Variants in TST observed in about 807,000 individuals in gnomAD.
The protein encoded by TST is thiosulfate sulfurtransferase.
A neutral mutation model predicts 20.4 loss-of-function variants in TST; 22 were observed. The observed-to-expected ratio is 1.08, with a 90% CI of 0.77 to 1.54. The LOEUF (loss-of-function observed/expected upper bound fraction) is 1.54. Ranked by LOEUF, TST falls within the 40% of genes most tolerant of loss-of-function variation. TST has a pLI of 0.00. For missense variants in TST, 392 were observed against 405.2 expected, an observed-to-expected ratio of 0.97 and a Z score of 0.28; for synonymous variants, 187 against 173.8, an observed-to-expected ratio of 1.08 and a Z score of -0.60.
At chr22:37,011,710 A>C (rs1223284801) in intron 2 of TST, among the ~76,000 whole-genome samples, 7 of 152,218 alleles carry the variant, frequency 4.6e-5, no homozygotes, top group Non-Finnish European at 8.8e-5. Context: ...GAGAAGAGCA[A>C]ATGGGACAAC....
At chr22:37,013,530 A>G (rs1177879353) in intron 2 of TST, among the ~76,000 whole-genome samples, 2 of 151,514 alleles carry the variant, frequency 1.3e-5, no homozygotes, top group East Asian at 3.8e-4. Context: ...ACTTGAGCCC[A>G]GGAGACTGCA....
At chr22:37,019,030 G>A in intron 1 of TST, 1 of 342,752 alleles carries the variant, frequency 2.9e-6, no homozygotes, top group Non-Finnish European at 5.3e-6. Context: ...TCCTGGGGCG[G>A]GGATCTGGCT....
chr22:37,012,319 C>T (rs562185954), intron 2 of TST, among the ~76,000 whole-genome samples: 8 of 152,264 alleles, frequency 5.3e-5, no homozygotes, highest in African/African-American at 1.9e-4. Context: ...TGTCTCAGTA[C>T]CCAGTGAGGG....
At chr22:37,014,236 G>A (rs1333729001) in intron 2 of TST, among the ~76,000 whole-genome samples, 1 of 152,194 alleles carries the variant, frequency 6.6e-6, no homozygotes, top group Non-Finnish European at 1.5e-5. Flanking sequence ...CAGGTGTGGT[G>A]GTGGGCACCT....
At chr22:37,011,363 A>T in intron 2 of TST, 38 bp from the exon 3 acceptor site, 1 of 1,582,672 alleles carries the variant, frequency 6.3e-7, no homozygotes, top group Non-Finnish European at 8.6e-7. Flanking sequence ...GGGATGTATG[A>T]GGGGTGGGGA....
At chr22:37,014,022 T>G (rs2145896505) in intron 2 of TST, among the ~76,000 whole-genome samples, 1 of 152,258 alleles carries the variant, frequency 6.6e-6, no homozygotes, top group South Asian at 2.1e-4. Context: ...GGCATTTAAA[T>G]GAACTGTGGG....
chr22:37,011,650 C>A (rs1922484579), intron 2 of TST, among the ~76,000 whole-genome samples: 1 of 152,186 alleles, frequency 6.6e-6, no homozygotes, highest in African/African-American at 2.4e-5. Context: ...CCTCAGTTTT[C>A]TCATCTGTAA....
intron 2 of TST, among the ~76,000 whole-genome samples, chr22:37,016,814 T>C (rs1922697249): frequency 6.6e-6 from 1 of 152,194 alleles, no homozygotes; most frequent in Non-Finnish European, 1.5e-5. Flanking sequence ...TGGAAAAAGC[T>C]GCGCTGGAAA....
At chr22:37,019,649 C>G (rs1439808926), upstream of TST, 2 of 321,790 alleles carry the variant, frequency 6.2e-6, no homozygotes, top group Non-Finnish European at 1.1e-5. Flanking sequence ...GGGGGCCGCG[C>G]GGGCCTGGGC....
At chr22:37,014,006 G>C (rs1922578026) in intron 2 of TST, among the ~76,000 whole-genome samples, 1 of 152,184 alleles carries the variant, frequency 6.6e-6, no homozygotes, top group African/African-American at 2.4e-5. Context: ...CTCAGGGCCT[G>C]TCTGGGGCAT....
At chr22:37,012,240 G>A (rs1054592744) in intron 2 of TST, among the ~76,000 whole-genome samples, 2 of 152,174 alleles carry the variant, frequency 1.3e-5, no homozygotes, top group African/African-American at 4.8e-5. Flanking sequence ...GGCCTTTTTG[G>A]TCCCCTCCAA....
intron 2 of TST, among the ~76,000 whole-genome samples, chr22:37,012,806 G>A (rs143866791): frequency 0.014 from 2,102 of 152,328 alleles, 30 homozygotes; most frequent in Middle Eastern, 0.024. Context: ...AGCACTTTGG[G>A]AGGCTGAGGT....
chr22:37,016,709 C>A (rs989397409), intron 2 of TST, among the ~76,000 whole-genome samples: 1 of 152,156 alleles, frequency 6.6e-6, no homozygotes, highest in African/African-American at 2.4e-5. Context: ...GGGCTGCAGG[C>A]GTTCCCAGCC....
chr22:37,015,898 CCTTACCCTT>C (rs1375226680), intron 2 of TST, among the ~76,000 whole-genome samples: 17 of 149,916 alleles, frequency 1.1e-4, no homozygotes, highest in East Asian at 7.9e-4. Flanking sequence ...TTGTATCGTT[CCTTACCCTT>C]CTTGAAATCC....
At chr22:37,012,281 C>T (rs931266469) in intron 2 of TST, among the ~76,000 whole-genome samples, 2 of 152,118 alleles carry the variant, frequency 1.3e-5, no homozygotes, top group African/African-American at 2.4e-5. Flanking sequence ...TGGAGGGACT[C>T]GGCTGGCTCT....
chr22:37,019,640 GGGGCCGCGCGGGCCTGGGCT>G (rs1922893847), upstream of TST: 2 of 311,648 alleles, frequency 6.4e-6, no homozygotes, highest in Non-Finnish European at 1.2e-5. Flanking sequence ...GGGTGGCGCG[GGGGCCGCGCGGGCCTGGGCT>G]GGGCGGAGCG....
intron 2 of TST, among the ~76,000 whole-genome samples, chr22:37,012,519 GC>G (rs1922515299): frequency 6.6e-6 from 1 of 152,178 alleles, no homozygotes; most frequent in Non-Finnish European, 1.5e-5. Context: ...CACTCCCAGT[GC>G]CCAACCTGCA....
chr22:37,016,339 A>G (rs560301508), intron 2 of TST, among the ~76,000 whole-genome samples: 5 of 152,278 alleles, frequency 3.3e-5, no homozygotes, highest in African/African-American at 1.2e-4. Context: ...AGGCCAAGCA[A>G]CTGGACTGAG....
In TST at chr22:37,011,117, A is replaced by G. The variant is rs1441995348; in HGVS notation, c.804T>C (p.Asp268=). 6.2e-7 allele frequency: 1 copy of G among 1,613,662 alleles called. No individual in the cohort carries two copies. Among genetic ancestry groups the G allele is most frequent in the South Asian group, 1.1e-5 (1 of 91,072 alleles). ...ALAAYLCGKP[D]VAVYDGSWSE... Reference sequence around the variant, plus strand: ...ACCAGGAGCCATCGTACACGGCCACATCAGGCTTGCCGCAGAGGTAGGCAG... The same window carrying G: ...ACCAGGAGCCATCGTACACGGCCACGTCAGGCTTGCCGCAGAGGTAGGCAG... The change falls in exon 3 of 3, where the codon GAT becomes GAC. Residue 268 remains aspartate, a synonymous_variant. Coordinates refer to ENST00000249042, the MANE Select transcript of TST (RefSeq NM_003312.6).
Sources: allele counts gnomAD v4.1 joint callset (sites outside exome capture counted in the v4.1 genomes callset), GRCh38; gene constraint gnomAD v4.1.1; transcripts MANE v1.5; gene names NCBI Gene and HGNC (gene_info 2026-07-23, HGNC 2026-07-21).